Variants in DLGAP1 observed in about 807,000 individuals in gnomAD.
DLGAP1 encodes disks large-associated protein 1.
A neutral mutation model predicts 90.8 loss-of-function variants in DLGAP1; 11 were observed. The observed-to-expected ratio is 0.12, with a 90% CI of 0.08 to 0.20. DLGAP1 has a LOEUF of 0.20. DLGAP1 is among the 10% of genes least tolerant of loss of function. DLGAP1 has a pLI of 1.00. For missense variants in DLGAP1, 1,050 were observed against 1,333.8 expected (o/e 0.79, Z 3.31); for synonymous variants, 558 against 540.7 (o/e 1.03, Z -0.44).
intron 3 of DLGAP1, among the ~76,000 whole-genome samples, chr18:3,884,183 T>C (rs1253405584): frequency 6.6e-6 from 1 of 152,192 alleles, no homozygotes; most frequent in African/African-American, 2.4e-5. Context: ...TATGTGTTTT[T>C]AGCAAAACTG....
chr18:3,596,816 G>A (rs776729250), intron 7 of DLGAP1: 1 of 519,732 alleles, frequency 1.9e-6, no homozygotes, highest in South Asian at 1.4e-5. Flanking sequence ...AAAGCCATTC[G>A]CTGTGATCTC....
intron 5 of DLGAP1, among the ~76,000 whole-genome samples, chr18:3,772,372 CTTTCTTTCTTTCTTTCTTTCTT>C (rs1465802644): frequency 5.5e-5 from 1 of 18,070 alleles, no homozygotes; most frequent in Non-Finnish European, 1.8e-4. Context: ...TTCTTTCTTT[CTTTCTTTCTTTCTTTCTTTCTT>C]TCTTTCTTTC....
chr18:4,148,508 G>A (rs558860640), intron 2 of DLGAP1, among the ~76,000 whole-genome samples: 7 of 152,314 alleles, frequency 4.6e-5, no homozygotes, highest in Middle Eastern at 3.4e-3. Context: ...ACACTGTTCA[G>A]GTGAGAAGAC....
intron 1 of DLGAP1, among the ~76,000 whole-genome samples, chr18:4,328,654 T>C (rs1262776266): frequency 1.3e-5 from 2 of 151,998 alleles, no homozygotes; most frequent in African/African-American, 4.8e-5. Context: ...CATTGTGCAT[T>C]TCTACCAGTA....
intron 7 of DLGAP1, among the ~76,000 whole-genome samples, chr18:3,629,532 C>T (rs958846643): frequency 7.0e-4 from 107 of 151,868 alleles, no homozygotes; most frequent in Admixed American, 4.0e-3. Context: ...ATTAGCCGGG[C>T]GTGTTGGTGG....
intron 1 of DLGAP1, among the ~76,000 whole-genome samples, chr18:4,432,994 C>T (rs555181953): frequency 6.6e-6 from 1 of 152,246 alleles, no homozygotes; most frequent in East Asian, 1.9e-4. Context: ...CTGAGTTCTG[C>T]CACCCTAGGA....
chr18:4,326,348 CAG>C (rs1253487619), intron 1 of DLGAP1, among the ~76,000 whole-genome samples: 1 of 152,008 alleles, frequency 6.6e-6, no homozygotes, highest in Non-Finnish European at 1.5e-5. Flanking sequence ...ATAAAAGTAA[CAG>C]ATCCTGGCAA....
chr18:3,806,998 C>A (rs950249489), intron 5 of DLGAP1, among the ~76,000 whole-genome samples: 1 of 152,136 alleles, frequency 6.6e-6, no homozygotes, highest in Non-Finnish European at 1.5e-5. Context: ...CCTAAGAGTC[C>A]GTCCCTTCTT....
chr18:3,622,223 G>A (rs892845182), intron 7 of DLGAP1, among the ~76,000 whole-genome samples: 1 of 151,794 alleles, frequency 6.6e-6, no homozygotes, highest in African/African-American at 2.4e-5. Flanking sequence ...TCCTGCCTCA[G>A]CCTCCCAAGT....
At chr18:4,173,922 C>G (rs544773601) in intron 1 of DLGAP1, among the ~76,000 whole-genome samples, 49 of 152,274 alleles carry the variant, frequency 3.2e-4, no homozygotes, top group African/African-American at 1.1e-3. Flanking sequence ...CGGGACATCT[C>G]CAGTTCCTTT....
intron 2 of DLGAP1, among the ~76,000 whole-genome samples, chr18:4,070,483 G>T (rs1175817551): frequency 1.3e-5 from 2 of 151,214 alleles, no homozygotes; most frequent in East Asian, 2.0e-4. Context: ...CAAGTAAAAA[G>T]AAGTTATATA....
intron 2 of DLGAP1, among the ~76,000 whole-genome samples, chr18:4,111,861 GC>G (rs1454039191): frequency 6.6e-6 from 1 of 151,588 alleles, no homozygotes; most frequent in African/African-American, 2.4e-5. Context: ...AGGGATGCCA[GC>G]TTTGTTGATG....
chr18:3,602,523 A>G (rs372380446), intron 7 of DLGAP1, among the ~76,000 whole-genome samples: 18 of 132,372 alleles, frequency 1.4e-4, no homozygotes, highest in East Asian at 1.0e-3. Flanking sequence ...TGAACCCGGG[A>G]GGCGGAGCTT....
chr18:4,117,422 C>A (rs1242431644), intron 2 of DLGAP1, among the ~76,000 whole-genome samples: 4 of 152,206 alleles, frequency 2.6e-5, no homozygotes, highest in Non-Finnish European at 5.9e-5. Context: ...CCCTCCTCCA[C>A]CCCAGGGGGT....
chr18:4,006,672 G>A (rs1256659772), intron 2 of DLGAP1, among the ~76,000 whole-genome samples: 1 of 149,974 alleles, frequency 6.7e-6, no homozygotes, highest in Non-Finnish European at 1.5e-5. Context: ...TTGAGACAGG[G>A]TATTGCTCTG....
At chr18:3,675,858 C>T (rs924008253) in intron 7 of DLGAP1, among the ~76,000 whole-genome samples, 44 of 152,128 alleles carry the variant, frequency 2.9e-4, no homozygotes, top group African/African-American at 1.1e-3. Context: ...TTTTTTGTAC[C>T]AACCAACTTG....
At chr18:3,712,828 C>G (rs962873361) in intron 7 of DLGAP1, among the ~76,000 whole-genome samples, 2 of 152,198 alleles carry the variant, frequency 1.3e-5, no homozygotes, top group Non-Finnish European at 2.9e-5. Context: ...TAAGTTTAAG[C>G]AAGTGCACCG....
chr18:4,159,823 A>G (rs917697249), intron 1 of DLGAP1, among the ~76,000 whole-genome samples: 4 of 152,208 alleles, frequency 2.6e-5, no homozygotes, highest in African/African-American at 9.6e-5. Context: ...TTGGAAACTT[A>G]GTCTCCATTC....
At chr18:4,125,640 C>T (rs1426025900) in intron 2 of DLGAP1, among the ~76,000 whole-genome samples, 1 of 143,414 alleles carries the variant, frequency 7.0e-6, no homozygotes, top group African/African-American at 2.7e-5. Context: ...AACAAACAAA[C>T]AAAAACAAAC....
Sources: gnomAD v4.1 joint callset for allele counts (sites outside exome capture counted in the v4.1 genomes callset) on GRCh38, gnomAD v4.1.1 for gene constraint, MANE v1.5 for transcripts, NCBI Gene and HGNC (gene_info 2026-07-23, HGNC 2026-07-21) for gene names.